Variants in SPATA6L observed in about 807,000 individuals in gnomAD.
SPATA6L encodes spermatogenesis associated 6-like protein.
A neutral mutation model predicts 49.2 loss-of-function variants in SPATA6L; 68 were observed. The observed-to-expected ratio is 1.38, with a 90% CI of 1.14 to 1.69. The LOEUF is 1.69. SPATA6L is among the 40% of genes most tolerant of loss of function. The pLI is 0.00. For missense variants in SPATA6L, 668 were observed against 464.3 expected, an observed-to-expected ratio of 1.44 and a Z score of -4.03; for synonymous variants, 198 against 165.7, an observed-to-expected ratio of 1.19 and a Z score of -1.50.
At position 4,641,724 on chromosome 9, in the gene SPATA6L, T is replaced by A. The variant is rs16921704; in HGVS notation, c.227-6325A>T. On this transcript the variant is annotated intron_variant, in intron 3 of 11. Transcript: ENST00000682582. ...TGGTTATTTTACGGTTGGCTGAATG[T>A]ACTAAATGCATTTTAGAAGGTTTAA... 4.8e-3 allele frequency among the ~76,000 whole-genome samples: 737 copies of A among 152,322 alleles called. 5 individuals carry two copies. Among genetic ancestry groups the A allele is most frequent in the African/African-American group, 0.017 (704 of 41,582 alleles).
intron 9 of SPATA6L, among the ~76,000 whole-genome samples, chr9:4,607,136 G>C (rs1047926442): frequency 6.6e-6 from 1 of 151,944 alleles, no homozygotes; most frequent in Non-Finnish European, 1.5e-5. Flanking sequence ...AAGAAATATG[G>C]GACTATGTGA....
chr9:4,658,923 C>A (rs1316073676), intron 2 of SPATA6L, among the ~76,000 whole-genome samples: 4 of 145,552 alleles, frequency 2.7e-5, no homozygotes, highest in Non-Finnish European at 6.0e-5. Flanking sequence ...GCACTCCAGC[C>A]TAGGTGACAG....
intron 3 of SPATA6L, among the ~76,000 whole-genome samples, chr9:4,643,249 G>A (rs777500268): frequency 2.1e-4 from 32 of 152,214 alleles, no homozygotes; most frequent in Non-Finnish European, 3.4e-4. Context: ...CTCATGATCC[G>A]CCCACCTTGG....
chr9:4,629,274 C>T, intron 4 of SPATA6L, 106 bp from the exon 5 acceptor site: 1 of 668,344 alleles, frequency 1.5e-6, no homozygotes, highest in Non-Finnish European at 2.5e-6. Flanking sequence ...TTCTGTGTGG[C>T]ATAATCCACA....
intron 11 of SPATA6L, among the ~76,000 whole-genome samples, chr9:4,601,368 G>GT (rs34602065): frequency 0.72 from 105,700 of 146,990 alleles, 38,351 homozygotes; most frequent in Middle Eastern, 0.87. Flanking sequence ...TTTACGGGAG[G>GT]TTTTTTTTTT....
At chr9:4,651,925 A>G (rs758169345) in intron 3 of SPATA6L, among the ~76,000 whole-genome samples, 2 of 152,208 alleles carry the variant, frequency 1.3e-5, no homozygotes, top group Non-Finnish European at 2.9e-5. Context: ...CTTCTATTCA[A>G]TACTGTACTG....
At chr9:4,609,697 T>C (rs1269319381) in intron 9 of SPATA6L, among the ~76,000 whole-genome samples, 2 of 151,240 alleles carry the variant, frequency 1.3e-5, no homozygotes, top group African/African-American at 2.5e-5. Flanking sequence ...TCATACTGAA[T>C]GGGCAAAAAC....
intron 3 of SPATA6L, among the ~76,000 whole-genome samples, chr9:4,639,565 C>T (rs10974695): frequency 0.14 from 20,997 of 152,070 alleles, 1,789 homozygotes; most frequent in African/African-American, 0.24. Flanking sequence ...AGTGTGAAAA[C>T]GTCAGCACAC....
At chr9:4,612,776 C>T (rs149856025) in intron 9 of SPATA6L, among the ~76,000 whole-genome samples, 1 of 152,292 alleles carries the variant, frequency 6.6e-6, no homozygotes, top group Non-Finnish European at 1.5e-5. Flanking sequence ...TGAATTCATT[C>T]TCTCGTTCAT....
chr9:4,645,222 C>T (rs301465), intron 3 of SPATA6L, among the ~76,000 whole-genome samples: 95,310 of 151,582 alleles, frequency 0.63, 31,874 homozygotes, highest in African/African-American at 0.87. Context: ...CCCAGGTATA[C>T]ACACAGAAGA....
At chr9:4,592,075 G>T (rs1821936123) in intron 13 of SPATA6L, among the ~76,000 whole-genome samples, 1 of 152,178 alleles carries the variant, frequency 6.6e-6, no homozygotes. Context: ...AGCACTTTGG[G>T]AGGCCGAGGC....
intron 1 of SPATA6L, chr9:4,664,784 A>G (rs1019993980): frequency 1.8e-5 from 3 of 167,116 alleles, no homozygotes; most frequent in African/African-American, 7.2e-5. Flanking sequence ...GAGTGAAAGC[A>G]TGAGCTTGTT....
At chr9:4,601,763 G>C (rs1015812399) in intron 11 of SPATA6L, among the ~76,000 whole-genome samples, 1 of 152,190 alleles carries the variant, frequency 6.6e-6, no homozygotes, top group Non-Finnish European at 1.5e-5. Context: ...GAGCCACTGG[G>C]TTGTGTGTGG....
At chr9:4,644,658 T>TTCTCTCTC (rs375004235) in intron 3 of SPATA6L, among the ~76,000 whole-genome samples, 80 of 143,060 alleles carry the variant, frequency 5.6e-4, no homozygotes, top group African/African-American at 2.0e-3. Context: ...GTTTTCAGTA[T>TTCTCTCTC]TCTCTCTCTC....
intron 8 of SPATA6L, 75 bp downstream of exon 8, chr9:4,618,789 G>A: frequency 7.3e-7 from 1 of 1,378,198 alleles, no homozygotes; most frequent in South Asian, 1.2e-5. Context: ...ATCCACCACT[G>A]ATTGGAAAAA....
At chr9:4,656,161 A>G in intron 2 of SPATA6L, 72 bp from the exon 3 acceptor site, 1 of 1,263,016 alleles carries the variant, frequency 7.9e-7, no homozygotes, top group Admixed American at 1.9e-5. Context: ...TGTAAATGCC[A>G]GGTGCAGTAG....
At chr9:4,655,184 T>C (rs1372299796) in intron 3 of SPATA6L, among the ~76,000 whole-genome samples, 4 of 152,256 alleles carry the variant, frequency 2.6e-5, no homozygotes, top group African/African-American at 9.6e-5. Context: ...AAATGTGATA[T>C]ATTCATCCAA....
chr9:4,591,701 G>A (rs1821910249), intron 13 of SPATA6L, among the ~76,000 whole-genome samples: 1 of 152,198 alleles, frequency 6.6e-6, no homozygotes, highest in African/African-American at 2.4e-5. Context: ...TGCTCCATCA[G>A]AAAGGGCCAG....
downstream of SPATA6L, among the ~76,000 whole-genome samples, chr9:4,594,157 T>C (rs1822080544): frequency 6.6e-6 from 1 of 152,172 alleles, no homozygotes; most frequent in Non-Finnish European, 1.5e-5. Context: ...CCAAAATCAA[T>C]CTCATCAATC....
Sources: allele counts gnomAD v4.1 joint callset (sites outside exome capture counted in the v4.1 genomes callset), GRCh38; gene constraint gnomAD v4.1.1; transcripts MANE v1.5; gene names NCBI Gene and HGNC (gene_info 2026-07-23, HGNC 2026-07-21).